MAGI2: variants seen among roughly 807,000 people sequenced by gnomAD.
The protein encoded by MAGI2 is membrane associated guanylate kinase, WW and PDZ domain containing 2.
A neutral mutation model predicts 133.3 loss-of-function variants in MAGI2; 35 were observed. The ratio of observed to expected loss-of-function variants is 0.26; its 90% CI spans 0.20 to 0.35. The LOEUF (loss-of-function observed/expected upper bound fraction) is 0.35. MAGI2 is among the 10% of genes least tolerant of loss of function. The pLI is 1.00. For synonymous variants in MAGI2, 729 were observed against 710.6 expected (o/e 1.03, Z -0.41); for missense variants, 1,636 against 1,863.4 (o/e 0.88, Z 2.25).
At chr7:78,694,152 A>C (rs934127113) in intron 2 of MAGI2, among the ~76,000 whole-genome samples, 1 of 152,082 alleles carries the variant, frequency 6.6e-6, no homozygotes, top group Admixed American at 6.5e-5. Context: ...TGTCAGGAGG[A>C]ATAACTAAAA....
intron 1 of MAGI2, among the ~76,000 whole-genome samples, chr7:79,038,508 T>C (rs765433005): frequency 6.6e-6 from 1 of 152,206 alleles, no homozygotes; most frequent in Non-Finnish European, 1.5e-5. Context: ...TTGATAACTC[T>C]ATTGCATTCA....
intron 20 of MAGI2, among the ~76,000 whole-genome samples, chr7:78,089,520 C>G (rs1056620360): frequency 3.3e-5 from 5 of 152,322 alleles, no homozygotes; most frequent in African/African-American, 1.2e-4. Context: ...AAATGGCAGT[C>G]TAGCTCAAAT....
At chr7:78,573,227 A>AATATATATAT (rs1563188147) in intron 3 of MAGI2, among the ~76,000 whole-genome samples, 2 of 58,970 alleles carry the variant, frequency 3.4e-5, no homozygotes, top group African/African-American at 1.7e-4. Flanking sequence ...AATATATATA[A>AATATATATAT]ATATAAATAT....
chr7:78,649,606 C>A (rs1208362890), intron 2 of MAGI2, among the ~76,000 whole-genome samples: 2 of 152,084 alleles, frequency 1.3e-5, no homozygotes, highest in African/African-American at 2.4e-5. Flanking sequence ...GTGACTACAC[C>A]TGGCTATAAG....
intron 1 of MAGI2, among the ~76,000 whole-genome samples, chr7:79,366,466 G>C (rs781728122): frequency 6.6e-6 from 1 of 152,040 alleles, no homozygotes; most frequent in Admixed American, 6.5e-5. Flanking sequence ...GGTTGTAACT[G>C]TTCAGTATCT....
intron 2 of MAGI2, among the ~76,000 whole-genome samples, chr7:78,664,095 G>T (rs555604868): frequency 1.3e-5 from 2 of 152,156 alleles, no homozygotes; most frequent in African/African-American, 4.8e-5. Flanking sequence ...CTACCAGAGA[G>T]TGTCTATTTA....
intron 10 of MAGI2, among the ~76,000 whole-genome samples, chr7:78,234,725 T>C (rs1790350881): frequency 6.8e-6 from 1 of 148,002 alleles, no homozygotes; most frequent in Non-Finnish European, 1.5e-5. Flanking sequence ...ATTTCGTTCA[T>C]TTATTCAAAA....
chr7:78,934,628 T>C (rs561611548), intron 2 of MAGI2, among the ~76,000 whole-genome samples: 3 of 152,276 alleles, frequency 2.0e-5, no homozygotes, highest in African/African-American at 4.8e-5. Context: ...AAATATCGTA[T>C]AAAATTACCT....
chr7:79,128,577 T>A (rs1233411753), intron 1 of MAGI2, among the ~76,000 whole-genome samples: 1 of 152,194 alleles, frequency 6.6e-6, no homozygotes, highest in Non-Finnish European at 1.5e-5. Context: ...AACTCCCTGA[T>A]CAGGAACAAG....
chr7:78,154,316 A>T (rs539935578), intron 16 of MAGI2, among the ~76,000 whole-genome samples: 2 of 152,166 alleles, frequency 1.3e-5, no homozygotes, highest in South Asian at 2.1e-4. Context: ...CCAAACTTCA[A>T]CCCATGCTGG....
intron 1 of MAGI2, among the ~76,000 whole-genome samples, chr7:79,207,841 G>A (rs1366272025): frequency 6.6e-6 from 1 of 151,726 alleles, no homozygotes; most frequent in East Asian, 1.9e-4. Flanking sequence ...AAACAAACAC[G>A]TAGACCAATG....
At chr7:78,679,266 A>G (rs1815390455) in intron 2 of MAGI2, among the ~76,000 whole-genome samples, 1 of 152,084 alleles carries the variant, frequency 6.6e-6, no homozygotes, top group African/African-American at 2.4e-5. Context: ...ACATATTGAT[A>G]TTATAGCACT....
intron 2 of MAGI2, among the ~76,000 whole-genome samples, chr7:78,974,125 A>G (rs954443136): frequency 1.3e-5 from 2 of 151,798 alleles, no homozygotes; most frequent in Non-Finnish European, 2.9e-5. Flanking sequence ...TGTTTTTTGA[A>G]AAACTCCCTT....
intron 4 of MAGI2, chr7:78,518,777 G>A (rs542863407): frequency 6.6e-6 from 1 of 152,232 alleles, no homozygotes; most frequent in African/African-American, 2.4e-5. Flanking sequence ...CTGTTGCCCA[G>A]GCTGAAGTGC....
chr7:78,061,370 G>A (rs1813235186), intron 21 of MAGI2, among the ~76,000 whole-genome samples: 1 of 148,530 alleles, frequency 6.7e-6, no homozygotes, highest in Non-Finnish European at 1.5e-5. Flanking sequence ...GGCTGATGTG[G>A]GAAATGAAAG....
intron 10 of MAGI2, among the ~76,000 whole-genome samples, chr7:78,239,559 T>C (rs1296715037): frequency 6.6e-6 from 1 of 151,914 alleles, no homozygotes; most frequent in Non-Finnish European, 1.5e-5. Context: ...AATAACTCAA[T>C]AGCAAGAAAA....
At chr7:78,568,748 A>T (rs1439872342) in intron 3 of MAGI2, among the ~76,000 whole-genome samples, 2 of 152,138 alleles carry the variant, frequency 1.3e-5, no homozygotes, top group Non-Finnish European at 2.9e-5. Context: ...TTGTACATAT[A>T]AATGCATACA....
At chr7:78,277,558 G>A (rs985209220) in intron 9 of MAGI2, among the ~76,000 whole-genome samples, 1 of 152,174 alleles carries the variant, frequency 6.6e-6, no homozygotes, top group Non-Finnish European at 1.5e-5. Context: ...GGGTTAGCAA[G>A]AGAGTGGATT....
intron 6 of MAGI2, among the ~76,000 whole-genome samples, chr7:78,471,972 T>C (rs1421729105): frequency 1.3e-5 from 2 of 151,158 alleles, no homozygotes; most frequent in East Asian, 3.9e-4. Context: ...ACACACTCAG[T>C]AAGTGGCAAG....
Sources: gnomAD v4.1 joint callset for allele counts (sites outside exome capture counted in the v4.1 genomes callset) on GRCh38, gnomAD v4.1.1 for gene constraint, MANE v1.5 for transcripts, NCBI Gene and HGNC (gene_info 2026-07-23, HGNC 2026-07-21) for gene names.